SGCZ: variants seen among roughly 807,000 people sequenced by gnomAD.
SGCZ encodes the protein zeta-sarcoglycan.
In SGCZ, 40 loss-of-function variants were observed where a neutral mutation model predicts 41.3. That is an observed-to-expected ratio of 0.97 (90% CI 0.75 to 1.26). The LOEUF (loss-of-function observed/expected upper bound fraction) is 1.26. Ranked by LOEUF, SGCZ falls within the 50% of genes most tolerant of loss-of-function variation. The pLI is 0.00. For missense variants in SGCZ, 552 were observed against 369.8 expected (o/e 1.49, Z -4.04); for synonymous variants, 206 against 137.5 (o/e 1.50, Z -3.49).
At chr8:14,660,351 C>T (rs570626619) in intron 1 of SGCZ, among the ~76,000 whole-genome samples, 2 of 151,750 alleles carry the variant, frequency 1.3e-5, no homozygotes, top group Non-Finnish European at 2.9e-5. Flanking sequence ...GTGGGTGGAT[C>T]GCCTGAGGTC....
Position 14,814,950 on chromosome 8 carries a change from A to G in SGCZ, c.40-260024T>C, listed in dbSNP as rs966694890. Among the ~76,000 whole-genome samples, 29 of 152,054 alleles carry G rather than the reference A, an allele frequency of 1.9e-4. 1 individual carries two copies. Among genetic ancestry groups the G allele is most frequent in the African/African-American group, 6.8e-4 (28 of 41,340 alleles). ...TTTGCTGTTTCTGTAATAGGACATT[A>G]AAAAAAGAAAACTACTGTTCTGAAC... On this transcript the variant is annotated intron_variant, in intron 1 of 7. Coordinates refer to ENST00000382080, the MANE Select transcript of SGCZ (RefSeq NM_139167.4).
chr8:14,996,952 T>C (rs967953211), intron 1 of SGCZ, among the ~76,000 whole-genome samples: 3 of 152,206 alleles, frequency 2.0e-5, no homozygotes, highest in Non-Finnish European at 4.4e-5. Context: ...GGGCCCCTAA[T>C]TACTACTCTA....
intron 1 of SGCZ, among the ~76,000 whole-genome samples, chr8:14,814,932 T>C (rs936660842): frequency 6.6e-6 from 1 of 152,184 alleles, no homozygotes; most frequent in African/African-American, 2.4e-5. Flanking sequence ...ATGTTTGCTG[T>C]TTCTGTAATA....
chr8:14,336,016 G>C (rs976493307), intron 2 of SGCZ, among the ~76,000 whole-genome samples: 1 of 151,988 alleles, frequency 6.6e-6, no homozygotes, highest in South Asian at 2.1e-4. Context: ...CTCCTCAACA[G>C]GACTAATCCT....
chr8:14,761,723 A>G (rs999248261), intron 1 of SGCZ, among the ~76,000 whole-genome samples: 16 of 151,722 alleles, frequency 1.1e-4, no homozygotes, highest in African/African-American at 3.9e-4. Flanking sequence ...ACAGAGTTTC[A>G]CCATGTTGGC....
chr8:14,930,670 G>C (rs916219197), intron 1 of SGCZ, among the ~76,000 whole-genome samples: 9 of 151,990 alleles, frequency 5.9e-5, no homozygotes, highest in South Asian at 2.1e-4. Context: ...AAAAGGATGA[G>C]TTCACGTCCT....
chr8:14,949,893 A>T (rs1185103433), intron 1 of SGCZ, among the ~76,000 whole-genome samples: 3 of 152,118 alleles, frequency 2.0e-5, no homozygotes, highest in East Asian at 1.9e-4. Flanking sequence ...TTGGCAAAAG[A>T]TCGGAAGTTA....
intron 2 of SGCZ, among the ~76,000 whole-genome samples, chr8:14,359,844 G>A (rs1236651809): frequency 6.6e-6 from 1 of 150,682 alleles, no homozygotes; most frequent in African/African-American, 2.5e-5. Flanking sequence ...TATCCCGGAT[G>A]AATACTGATG....
chr8:14,221,007 T>C (rs1286293832), intron 4 of SGCZ, among the ~76,000 whole-genome samples: 2 of 78,556 alleles, frequency 2.5e-5, no homozygotes, highest in East Asian at 1.0e-3. Flanking sequence ...GTGTGCCTAA[T>C]ATAGAAAAAA....
intron 2 of SGCZ, among the ~76,000 whole-genome samples, chr8:14,459,444 G>A (rs1415973417): frequency 1.3e-5 from 2 of 151,920 alleles, no homozygotes; most frequent in African/African-American, 4.8e-5. Context: ...AATAAAAAAA[G>A]AAGAAAAAGT....
chr8:14,718,741 A>G (rs1295070943), intron 1 of SGCZ, among the ~76,000 whole-genome samples: 1 of 151,734 alleles, frequency 6.6e-6, no homozygotes, highest in Non-Finnish European at 1.5e-5. Context: ...TTATCCTAAG[A>G]TTTTATTAAT....
chr8:15,099,838 A>G (rs758028284), intron 1 of SGCZ, among the ~76,000 whole-genome samples: 1 of 152,138 alleles, frequency 6.6e-6, no homozygotes, highest in Non-Finnish European at 1.5e-5. Context: ...TTAACAGGCT[A>G]AAGAGGAAAA....
chr8:14,164,237 C>T (rs973536827), intron 5 of SGCZ, among the ~76,000 whole-genome samples: 3 of 152,040 alleles, frequency 2.0e-5, no homozygotes, highest in Non-Finnish European at 2.9e-5. Flanking sequence ...TTCCTTCGCA[C>T]GTCTTTTATT....
chr8:14,646,888 A>G (rs1028072157), intron 1 of SGCZ, among the ~76,000 whole-genome samples: 2 of 151,890 alleles, frequency 1.3e-5, no homozygotes, highest in African/African-American at 4.8e-5. Flanking sequence ...TTCATTTGTT[A>G]TGAGAGTATT....
chr8:14,185,066 G>A (rs975493345), intron 4 of SGCZ, among the ~76,000 whole-genome samples: 5 of 152,056 alleles, frequency 3.3e-5, no homozygotes, highest in Admixed American at 6.6e-5. Flanking sequence ...CTTTAGTTAT[G>A]TATTTGTACT....
intron 1 of SGCZ, among the ~76,000 whole-genome samples, chr8:14,989,443 A>G (rs567386184): frequency 2.0e-5 from 3 of 152,106 alleles, no homozygotes; most frequent in African/African-American, 7.2e-5. Context: ...CTACGATCAC[A>G]CCACTGCACT....
At chr8:14,798,029 T>C (rs1801195755) in intron 1 of SGCZ, among the ~76,000 whole-genome samples, 2 of 152,200 alleles carry the variant, frequency 1.3e-5, no homozygotes, top group South Asian at 4.1e-4. Flanking sequence ...GGGGCCCTCA[T>C]GGAGAACTCC....
intron 1 of SGCZ, among the ~76,000 whole-genome samples, chr8:15,069,605 G>A (rs562094922): frequency 2.6e-5 from 4 of 152,218 alleles, no homozygotes; most frequent in East Asian, 3.9e-4. Context: ...AATTCACTCT[G>A]ACAGTTCTGA....
intron 1 of SGCZ, among the ~76,000 whole-genome samples, chr8:15,141,494 G>T (rs1808318229): frequency 6.6e-6 from 1 of 152,244 alleles, no homozygotes; most frequent in Admixed American, 6.5e-5. Context: ...AACAGGGACA[G>T]ATTTTAGGAA....
Sources: allele counts gnomAD v4.1 joint callset (sites outside exome capture counted in the v4.1 genomes callset), GRCh38; gene constraint gnomAD v4.1.1; transcripts MANE v1.5; gene names NCBI Gene and HGNC (gene_info 2026-07-23, HGNC 2026-07-21).